The following WWOX variants were observed in gnomAD, a reference collection of about 807,000 sequenced individuals.
The protein encoded by WWOX is WW domain-containing oxidoreductase.
WWOX carries 69 observed loss-of-function variants against 46.2 expected under a neutral mutation model. The ratio of observed to expected loss-of-function variants is 1.49; its 90% CI spans 1.23 to 1.82. WWOX has a LOEUF of 1.82. Among genes scored for constraint, WWOX ranks in the 40% most tolerant of loss-of-function variants. WWOX has a pLI of 0.00. For missense variants in WWOX, 919 were observed against 542.6 expected, an observed-to-expected ratio of 1.69 and a Z score of -6.89; for synonymous variants, 359 against 202.6, an observed-to-expected ratio of 1.77 and a Z score of -6.56.
chr16:78,150,903 T>A (rs1372793910), intron 4 of WWOX, among the ~76,000 whole-genome samples: 1 of 152,042 alleles, frequency 6.6e-6, no homozygotes, highest in African/African-American at 2.4e-5. Flanking sequence ...AGACAGGGTC[T>A]CGCTCTGTCA....
At chr16:79,076,828 C>A (rs187931704) in intron 8 of WWOX, among the ~76,000 whole-genome samples, 1 of 152,336 alleles carries the variant, frequency 6.6e-6, no homozygotes, top group African/African-American at 2.4e-5. Flanking sequence ...AACTGCTTAA[C>A]GCATGTGAAT....
intron 8 of WWOX, among the ~76,000 whole-genome samples, chr16:78,986,290 G>A (rs1015976936): frequency 1.3e-5 from 2 of 152,206 alleles, no homozygotes; most frequent in Non-Finnish European, 2.9e-5. Context: ...AGGTAGAGGT[G>A]CTTCCAGACC....
intron 8 of WWOX, among the ~76,000 whole-genome samples, chr16:79,015,835 C>T (rs2047401974): frequency 6.6e-6 from 1 of 152,124 alleles, no homozygotes; most frequent in African/African-American, 2.4e-5. Context: ...CACTGCAACC[C>T]CCGCCTCCCG....
chr16:79,028,827 C>G (rs1164850181), intron 8 of WWOX, among the ~76,000 whole-genome samples: 1 of 151,582 alleles, frequency 6.6e-6, no homozygotes, highest in East Asian at 1.9e-4. Context: ...TTCCAATCTT[C>G]AAACCAACCT....
intron 8 of WWOX, among the ~76,000 whole-genome samples, chr16:78,914,208 A>G (rs1057136239): frequency 2.0e-5 from 3 of 152,002 alleles, no homozygotes; most frequent in African/African-American, 7.2e-5. Context: ...ACTTATCACT[A>G]TCTGATATTT....
chr16:78,128,115 T>G (rs1486871451), intron 4 of WWOX, among the ~76,000 whole-genome samples: 1 of 152,056 alleles, frequency 6.6e-6, no homozygotes, highest in Non-Finnish European at 1.5e-5. Context: ...AAGGGAAGAT[T>G]AGGGTTGGAA....
chr16:78,175,389 G>A (rs1334525538), intron 5 of WWOX, among the ~76,000 whole-genome samples: 1 of 152,240 alleles, frequency 6.6e-6, no homozygotes. Context: ...GTAGAGGCCA[G>A]TTCTCCTCTC....
intron 8 of WWOX, among the ~76,000 whole-genome samples, chr16:78,689,683 C>T (rs898104813): frequency 6.6e-6 from 1 of 152,266 alleles, no homozygotes; most frequent in Admixed American, 6.5e-5. Flanking sequence ...TCCACTGACC[C>T]TCCCACTCCC....
chr16:78,484,058 C>A (rs1490270783), intron 8 of WWOX, among the ~76,000 whole-genome samples: 1 of 152,080 alleles, frequency 6.6e-6, no homozygotes, highest in African/African-American at 2.4e-5. Flanking sequence ...TGCTCCCTTG[C>A]AATGAAATGA....
intron 4 of WWOX, among the ~76,000 whole-genome samples, 154 bp from the exon 5 acceptor site, chr16:78,164,029 T>C (rs1455413059): frequency 2.6e-5 from 4 of 152,118 alleles, no homozygotes; most frequent in Non-Finnish European, 5.9e-5. Context: ...CCACTGAAAA[T>C]GTCTCCAGAC....
intron 8 of WWOX, among the ~76,000 whole-genome samples, chr16:78,592,619 G>T (rs1362487752): frequency 6.6e-6 from 1 of 152,200 alleles, no homozygotes; most frequent in East Asian, 1.9e-4. Context: ...AGAGCTGGAA[G>T]ACAAGGCCTG....
intron 8 of WWOX, among the ~76,000 whole-genome samples, chr16:78,915,832 T>C (rs2045237686): frequency 6.6e-6 from 1 of 152,226 alleles, no homozygotes; most frequent in African/African-American, 2.4e-5. Context: ...TTCCAATTTT[T>C]AATCTTGATC....
intron 3 of WWOX, among the ~76,000 whole-genome samples, chr16:78,114,551 AT>A (rs2032672606): frequency 6.6e-6 from 1 of 152,176 alleles, no homozygotes; most frequent in African/African-American, 2.4e-5. Context: ...AGACTTTATC[AT>A]TTTGAGTTTT....
At chr16:78,776,592 G>T (rs1449185798) in intron 8 of WWOX, among the ~76,000 whole-genome samples, 1 of 152,142 alleles carries the variant, frequency 6.6e-6, no homozygotes, top group Non-Finnish European at 1.5e-5. Flanking sequence ...TTGGAGTGAG[G>T]ATGGATGTTT....
At chr16:78,565,152 T>C (rs1242616086) in intron 8 of WWOX, among the ~76,000 whole-genome samples, 4 of 152,248 alleles carry the variant, frequency 2.6e-5, no homozygotes, top group Non-Finnish European at 4.4e-5. Context: ...ACTTTGGCAT[T>C]GGTGCCTCTA....
chr16:78,266,776 T>C (rs561286842), intron 5 of WWOX, among the ~76,000 whole-genome samples: 1 of 105,018 alleles, frequency 9.5e-6, no homozygotes, highest in Non-Finnish European at 2.1e-5. Context: ...AAATGCAAGT[T>C]CTATTCTTCT....
intron 8 of WWOX, among the ~76,000 whole-genome samples, chr16:78,683,884 C>T (rs930352090): frequency 1.3e-5 from 2 of 152,122 alleles, no homozygotes; most frequent in African/African-American, 2.4e-5. Context: ...TTACTTGTGC[C>T]ACCTCTTCTA....
intron 8 of WWOX, among the ~76,000 whole-genome samples, chr16:78,943,227 C>T (rs1173250303): frequency 1.3e-5 from 2 of 152,152 alleles, no homozygotes; most frequent in African/African-American, 4.8e-5. Flanking sequence ...CTTCCTTTTT[C>T]TGTTTAATCT....
intron 8 of WWOX, among the ~76,000 whole-genome samples, chr16:79,097,096 A>G (rs879003348): frequency 6.6e-6 from 1 of 151,988 alleles, no homozygotes; most frequent in Non-Finnish European, 1.5e-5. Context: ...CAGTTAACTT[A>G]CTTGCTTCCA....
Sources: allele counts gnomAD v4.1 joint callset (sites outside exome capture counted in the v4.1 genomes callset), GRCh38; gene constraint gnomAD v4.1.1; transcripts MANE v1.5; gene names NCBI Gene and HGNC (gene_info 2026-07-23, HGNC 2026-07-21).